SHPRH: variants seen among roughly 807,000 people sequenced by gnomAD.
SHPRH encodes the protein E3 ubiquitin-protein ligase SHPRH.
SHPRH carries 106 observed loss-of-function variants against 202.5 expected under a neutral mutation model. The observed-to-expected ratio is 0.52, with a 90% CI of 0.45 to 0.62. The LOEUF (loss-of-function observed/expected upper bound fraction) is 0.62. SHPRH is among the 20% of genes least tolerant of loss of function. The pLI is 0.00. For missense variants in SHPRH, 1,710 were observed against 2,020.0 expected (o/e 0.85, Z 2.94); for synonymous variants, 729 against 686.0 (o/e 1.06, Z -0.98).
In SHPRH at chr6:145,943,728, C is replaced by G; in HGVS notation, c.1653G>C (p.Leu551Phe). Reference protein sequence around the residue: ...SGNKDTDSEYLPSDTSDDDDD... With the variant: ...SGNKDTDSEYFPSDTSDDDDD... Reference sequence around the variant, plus strand: ...CATCATCATCAGAGGTGTCTGATGGCAAGTATTCAGAATCTGTGTCCTTGT... The same window carrying G: ...CATCATCATCAGAGGTGTCTGATGGGAAGTATTCAGAATCTGTGTCCTTGT... Residue 551 changes from leucine to phenylalanine, a missense_variant, in exon 9 of 30, where the codon TTG becomes TTC. By Grantham distance (22) the Leu-to-Phe change is conservative (BLOSUM62 0). Coordinates refer to ENST00000275233, the MANE Select transcript of SHPRH (RefSeq NM_001042683.3). 1 of 1,611,570 alleles carries G rather than the reference C, an allele frequency of 6.2e-7. No individual in the cohort carries two copies. The highest frequency in any genetic ancestry group is 8.5e-7 in the Non-Finnish European group (1 of 1,178,522).
rs1309918684 is a variant in SHPRH at position 145,963,872 on chromosome 6, T to G, written c.-174A>C. The G allele has an allele frequency of 6.6e-6, 1 of 152,208 alleles. No homozygotes were observed. Among genetic ancestry groups the G allele is most frequent in the Admixed American group, 6.5e-5 (1 of 15,284 alleles). 9.4% of individuals were successfully genotyped at this position (152,208 alleles called of 1,614,324 possible). ...GACGGACTCCCGGATCCTAGTGTGT[T>G]GGACGCTCGAGACAAACACCGCAGG... On this transcript the variant is annotated 5_prime_UTR_variant, in exon 1 of 30. Coordinates refer to ENST00000275233, the MANE Select transcript of SHPRH (RefSeq NM_001042683.3).
chr6:145,903,459 A>C (rs1028269177), intron 25 of SHPRH: 1 of 152,046 alleles, frequency 6.6e-6, no homozygotes, highest in South Asian at 2.1e-4. Context: ...AGGCTGTATA[A>C]GATATCTCTA....
At chr6:145,900,001 A>G (rs1056353529) in intron 25 of SHPRH, among the ~76,000 whole-genome samples, 2 of 152,138 alleles carry the variant, frequency 1.3e-5, no homozygotes, top group African/African-American at 4.8e-5. Flanking sequence ...AAGACAAGAG[A>G]TAAGTATTGG....
At chr6:145,865,821 T>G (rs913253551) in intron 2 of SHPRH, among the ~76,000 whole-genome samples, 1 of 152,244 alleles carries the variant, frequency 6.6e-6, no homozygotes, top group Non-Finnish European at 1.5e-5. Flanking sequence ...CAGTTTACCT[T>G]TTATGCTTTC....
intron 19 of SHPRH, 80 bp from the exon 20 acceptor site, chr6:145,922,428 G>T: frequency 6.9e-7 from 1 of 1,451,370 alleles, no homozygotes; most frequent in South Asian, 1.3e-5. Flanking sequence ...TTAATATTTT[G>T]ACTTCATTTT....
chr6:145,935,546 A>G, intron 11 of SHPRH, 105 bp from the exon 12 acceptor site: 6 of 1,056,880 alleles, frequency 5.7e-6, no homozygotes, highest in Non-Finnish European at 8.1e-6. Flanking sequence ...CTTTCCATGA[A>G]TTAAAATACA....
At chr6:145,882,732 T>TA (rs1780670947), downstream of SHPRH, among the ~76,000 whole-genome samples, 1 of 152,182 alleles carries the variant, frequency 6.6e-6, no homozygotes, top group Admixed American at 6.5e-5. Context: ...TGAGGTGCCT[T>TA]ACGGTTCTGG....
downstream of SHPRH, among the ~76,000 whole-genome samples, chr6:145,882,091 CAAA>C (rs767137504): frequency 9.4e-6 from 1 of 106,806 alleles, no homozygotes; most frequent in Non-Finnish European, 2.0e-5. Context: ...GACTGTGTCT[CAAA>C]AAAAAAAAAA....
chr6:145,948,113 A>G (rs1787587909), intron 5 of SHPRH, among the ~76,000 whole-genome samples, 159 bp downstream of exon 5: 1 of 152,042 alleles, frequency 6.6e-6, no homozygotes, highest in African/African-American at 2.4e-5. Flanking sequence ...AAGTGCTATT[A>G]ATTCTAAATC....
intron 25 of SHPRH, among the ~76,000 whole-genome samples, chr6:145,899,161 G>C (rs1348690401): frequency 6.6e-6 from 1 of 151,730 alleles, no homozygotes; most frequent in Non-Finnish European, 1.5e-5. Context: ...ATTCTGTTAC[G>C]GCAACATAAA....
At chr6:145,928,180 C>T (rs533788262) in intron 14 of SHPRH, among the ~76,000 whole-genome samples, 6 of 152,010 alleles carry the variant, frequency 3.9e-5, no homozygotes, top group African/African-American at 7.2e-5. Context: ...CTGATAGTTG[C>T]GCAGAGATCT....
chr6:145,904,916 T>C lies in SHPRH; in HGVS notation c.4515+5532A>G, dbSNP rs562989132. The C allele has an allele frequency of 2.0e-5, 3 of 152,158 alleles. No homozygotes were observed. The East Asian group carries it at 5.8e-4, about 29-fold the overall frequency. The allele number at this position is 152,158 out of a possible 1,614,324, so 9.4% of individuals were successfully genotyped here. The stretch of plus-strand genomic sequence containing the variant: ...ACAATAAACAGTATTTATATACCGA[T>C]ATCCCTGCTCCAACAGCACAGCACA... On this transcript the variant is annotated intron_variant, in intron 25 of 29. Coordinates refer to ENST00000275233, the MANE Select transcript of SHPRH (RefSeq NM_001042683.3).
intron 1 of SHPRH, among the ~76,000 whole-genome samples, chr6:145,956,909 T>G (rs2128808066): frequency 6.6e-6 from 1 of 152,160 alleles, no homozygotes; most frequent in Non-Finnish European, 1.5e-5. Context: ...ATGTTAAAAT[T>G]TATACTAAAA....
intron 25 of SHPRH, chr6:145,908,265 T>G (rs1344798895): frequency 1.3e-5 from 2 of 152,172 alleles, no homozygotes; most frequent in Non-Finnish European, 2.9e-5. Flanking sequence ...TTTATATTCC[T>G]TTGGGTATAT....
intron 25 of SHPRH, chr6:145,903,256 C>G (rs986530563): frequency 6.6e-6 from 1 of 151,010 alleles, no homozygotes; most frequent in Non-Finnish European, 1.5e-5. Flanking sequence ...CAGTTTTTTT[C>G]ACTCAGATGT....
intron 25 of SHPRH, chr6:145,905,384 C>T (rs1782872065): frequency 6.6e-6 from 1 of 152,056 alleles, no homozygotes; most frequent in Non-Finnish European, 1.5e-5. Context: ...CAGGGCTGCA[C>T]CATAAGTCAC....
chr6:145,943,444 G>A lies in SHPRH; in HGVS notation c.1937C>T (p.Ser646Phe). 1 of 1,614,034 alleles carries A rather than the reference G, an allele frequency of 6.2e-7. No homozygotes were observed. Among genetic ancestry groups the A allele is most frequent in the Non-Finnish European group, 8.5e-7 (1 of 1,179,950 alleles). The part of the protein sequence containing the change: ...LNHADSDVPP[S>F]NTMSPFNTSD... ...GGTGTTAAAGGGACTCATGGTATTA[G>A]AAGGTGGTACATCACTATCAGCATG... Residue 646 changes from serine to phenylalanine, a missense_variant, in exon 9 of 30, where the codon TCT becomes TTT. Ser to Phe is a radical substitution (Grantham distance 155, BLOSUM62 -2). This residue lies in a region of SHPRH where 348 missense variants were observed against 356.9 expected (regional missense o/e 0.97). Coordinates refer to ENST00000275233, the MANE Select transcript of SHPRH (RefSeq NM_001042683.3).
chr6:145,907,664 T>C (rs187137053), intron 25 of SHPRH: 1 of 152,266 alleles, frequency 6.6e-6, no homozygotes, highest in East Asian at 1.9e-4. Flanking sequence ...TCTTCTGGTT[T>C]TCTTTTTCTC....
intron 25 of SHPRH, chr6:145,905,011 G>A (rs888452019): frequency 1.3e-5 from 2 of 152,094 alleles, no homozygotes; most frequent in Admixed American, 1.3e-4. Context: ...GTTTGGATTT[G>A]ATGGGCTCAA....
Sources: gnomAD v4.1 joint callset for allele counts (sites outside exome capture counted in the v4.1 genomes callset) on GRCh38, gnomAD v4.1.1 for gene constraint, gnomAD v4.1.1 regional missense constraint, MANE v1.5 for transcripts, NCBI Gene and HGNC (gene_info 2026-07-23, HGNC 2026-07-21) for gene names.